Variants in VHL observed in about 807,000 individuals in gnomAD.
The protein encoded by VHL is von Hippel-Lindau disease tumor suppressor.
A neutral mutation model predicts 19.2 loss-of-function variants in VHL; 10 were observed. That is an observed-to-expected ratio of 0.52 (90% CI 0.32 to 0.89). The LOEUF (loss-of-function observed/expected upper bound fraction) is 0.89. VHL is among the 40% of genes least tolerant of loss of function. The pLI is 0.03. For synonymous variants in VHL, 167 were observed against 129.5 expected, an observed-to-expected ratio of 1.29 and a Z score of -1.97; for missense variants, 328 against 292.7, an observed-to-expected ratio of 1.12 and a Z score of -0.88.
Position 10,152,268 on chromosome 3 carries a change from C to T in VHL, c.*2303C>T, listed in dbSNP as rs960285468. ...CCTGTAATCCTAGCTACTCAGGAGG[C>T]TGAGGCAGGAGAATCACTTGAACCC... On this transcript the variant is annotated 3_prime_UTR_variant, in exon 3 of 3. Transcript: ENST00000256474. 1 of 152,564 alleles carries T rather than the reference C, an allele frequency of 6.6e-6. No individual in the cohort carries two copies. The highest frequency in any genetic ancestry group is 1.5e-5 in the Non-Finnish European group (1 of 68,718). The allele number at this position is 152,564 out of a possible 1,614,324, so 9.5% of individuals were successfully genotyped here.
intron 2 of VHL, among the ~76,000 whole-genome samples, chr3:10,148,425 C>T (rs1244561286): frequency 6.7e-6 from 1 of 148,222 alleles, no homozygotes; most frequent in East Asian, 2.0e-4. Flanking sequence ...CGCCATTCTC[C>T]TGCCTCAGCC....
intron 1 of VHL, 150 bp downstream of exon 1, chr3:10,142,337 C>A: frequency 8.1e-6 from 4 of 494,612 alleles, no homozygotes; most frequent in East Asian, 3.9e-5. Context: ...AGCGTCAGAG[C>A]ATTCTTTTTT....
At position 10,142,242 on chromosome 3, in the gene VHL, C is replaced by G; in HGVS notation, c.340+55C>G. ...GCAGGGACGATAGCACGGTCTGAAG[C>G]CCCTCTACCGCCCCGGGGTCCATTT... On this transcript the variant is annotated intron_variant, in intron 1 of 2. Transcript: ENST00000256474. The G allele has an allele frequency of 4.5e-6, 7 of 1,552,978 alleles. No individual in the cohort carries two copies. The South Asian group carries it at 8.1e-5, about 18-fold the overall frequency.
In VHL at chr3:10,142,201, G is replaced by C. The variant is rs1057523480; in HGVS notation, c.340+14G>C. 6.3e-7 allele frequency: 1 copy of C among 1,594,936 alleles called. No homozygotes were observed. The highest frequency in any genetic ancestry group is 8.5e-7 in the Non-Finnish European group (1 of 1,178,344). On this transcript the variant is annotated intron_variant, in intron 1 of 2. Transcript: ENST00000256474. ...ACAGCTACCGAGGTACGGGCCCGGC[G>C]CTTAGGCCCGACCCAGCAGGGACGA...
rs970321133 is a variant in VHL at position 10,144,394 on chromosome 3, C to T, written c.341-2120C>T. ...GGGAAGCTGAGGCAGGAAGATCACC[C>T]GAACCCAGGAGTTGGAGGCTACAGT... On this transcript the variant is annotated intron_variant, in intron 1 of 2. Transcript: ENST00000256474. Among the ~76,000 whole-genome samples, 6 of 151,996 alleles carry T rather than the reference C, an allele frequency of 3.9e-5. No individual in the cohort carries two copies. The South Asian group carries it at 8.3e-4, about 21-fold the overall frequency.
Position 10,146,539 on chromosome 3 carries a change from A to G in VHL, c.366A>G (p.Ala122=), listed in dbSNP as rs1474241640. ...YRGHLWLFRD[A]GTHDGLLVNQ... is the part of the protein sequence containing the mutation. ...GTCACCTTTGGCTCTTCAGAGATGCAGGGACACACGATGGGCTTCTGGTTA... is the reference window on the plus strand; with the variant it reads ...GTCACCTTTGGCTCTTCAGAGATGCGGGGACACACGATGGGCTTCTGGTTA... Residue 122 remains alanine (A), a synonymous_variant, in exon 2 of 3, where the codon GCA becomes GCG. Transcript: ENST00000256474. 5.0e-6 allele frequency: 8 copies of G among 1,613,928 alleles called. No individual in the cohort carries two copies. The highest frequency in any genetic ancestry group is 5.9e-6 in the Non-Finnish European group (7 of 1,179,874).
At chr3:10,146,749 C>A in intron 2 of VHL, 113 bp downstream of exon 2, 1 of 1,298,446 alleles carries the variant, frequency 7.7e-7, no homozygotes, top group Non-Finnish European at 1.1e-6. Context: ...GCACGTTATC[C>A]AATCTTTTTG....
intron 1 of VHL, among the ~76,000 whole-genome samples, chr3:10,144,428 A>G (rs1387325585): frequency 6.6e-6 from 1 of 150,988 alleles, no homozygotes; most frequent in African/African-American, 2.4e-5. Context: ...GTGAACTATG[A>G]TGGTGCCTCT....
chr3:10,153,491 T>C lies in VHL; in HGVS notation c.*3526T>C, dbSNP rs1040611536. ...TTTGAGTACTGTGTTTTTGGTGTTG[T>C]CCAAGGAAAATTAAAAACCTGTAGC... On this transcript the variant is annotated 3_prime_UTR_variant, in exon 3 of 3. Transcript: ENST00000256474. Among the ~76,000 whole-genome samples, 7 of 152,106 alleles carry C rather than the reference T, an allele frequency of 4.6e-5. No individual in the cohort carries two copies. Among genetic ancestry groups the C allele is most frequent in the African/African-American group, 1.4e-4 (6 of 41,432 alleles).
chr3:10,143,098 G>A (rs1696166892), intron 1 of VHL: 1 of 151,658 alleles, frequency 6.6e-6, no homozygotes, highest in Admixed American at 6.6e-5. Flanking sequence ...TTTACCCCTA[G>A]GAATATGGGG....
intron 1 of VHL, chr3:10,142,974 C>G (rs2125126091): frequency 6.6e-6 from 1 of 152,440 alleles, no homozygotes; most frequent in African/African-American, 2.4e-5. Flanking sequence ...AGGAGCACTT[C>G]CCGGAGAAGG....
At chr3:10,142,217 G>GC in intron 1 of VHL, 30 bp downstream of exon 1, 1 of 1,588,934 alleles carries the variant, frequency 6.3e-7, no homozygotes, top group Non-Finnish European at 8.5e-7. Context: ...GCCCGACCCA[G>GC]CAGGGACGAT....
In VHL at chr3:10,149,780, C is replaced by A; in HGVS notation, c.464-7C>A. On this transcript the variant is annotated splice_region_variant and splice_polypyrimidine_tract_variant and intron_variant, in intron 2 of 2. Transcript: ENST00000256474. ...TGCCACTGAGGATTTGGTTTTTGCC[C>A]TTCCAGTGTATACTCTGAAAGAGCG... The A allele has an allele frequency of 1.2e-6, 2 of 1,613,882 alleles. No homozygotes were observed. The highest frequency in any genetic ancestry group is 1.7e-6 in the Non-Finnish European group (2 of 1,179,976).
At position 10,141,878 on chromosome 3, in the gene VHL, G is replaced by C. The variant is rs1236604706; in HGVS notation, c.31G>C (p.Ala11Pro). MPRRAENWDE[A>P]EVGAEEAGVE... ...CCGGAGGGCGGAGAACTGGGACGAG[G>C]CCGAGGTAGGCGCGGAGGAGGCAGG... The change falls in exon 1 of 3, where the codon GCC (alanine) becomes CCC (proline). Residue 11 changes from alanine to proline, a missense_variant. Transcript: ENST00000256474. 4 of 1,533,894 alleles carry C rather than the reference G, an allele frequency of 2.6e-6. No individual in the cohort carries two copies. The East Asian group carries it at 9.9e-5, about 38-fold the overall frequency.
rs886057753 is a variant in VHL at position 10,153,214 on chromosome 3, C to T, written c.*3249C>T. ...AATGGCATGAACCTGGAAGGCGGAGCTTGCAGTGAGCTGAGATGGTGCCAC... is the reference window on the plus strand; with the variant it reads ...AATGGCATGAACCTGGAAGGCGGAGTTTGCAGTGAGCTGAGATGGTGCCAC... On this transcript the variant is annotated 3_prime_UTR_variant, in exon 3 of 3. Transcript: ENST00000256474. Among the ~76,000 whole-genome samples the T allele has an allele frequency of 6.6e-6, 1 of 152,006 alleles. No homozygotes were observed. The highest frequency in any genetic ancestry group is 1.9e-4 in the East Asian group (1 of 5,162).
intron 2 of VHL, among the ~76,000 whole-genome samples, chr3:10,147,085 C>T (rs1696278888): frequency 6.6e-6 from 1 of 152,082 alleles, no homozygotes; most frequent in African/African-American, 2.4e-5. Context: ...AATCTCGGCT[C>T]ACTGCAACCT....
intron 2 of VHL, among the ~76,000 whole-genome samples, chr3:10,147,360 T>TG (rs201643998): frequency 0.02 from 586 of 29,862 alleles, 17 homozygotes; most frequent in South Asian, 0.13. Flanking sequence ...ATCAGAGGTG[T>TG]TTTTTTTTTT....
At chr3:10,147,040 C>A (rs751141138) in intron 2 of VHL, among the ~76,000 whole-genome samples, 1 of 152,168 alleles carries the variant, frequency 6.6e-6, no homozygotes, top group Admixed American at 6.6e-5. Context: ...GAGACAGAAT[C>A]TCGCTGTGTT....
In VHL at chr3:10,150,142, G is replaced by C; in HGVS notation, c.*177G>C. On this transcript the variant is annotated 3_prime_UTR_variant, in exon 3 of 3. Transcript: ENST00000256474. ...CTTCACTAGGCATTGTGATGTTTAGGGGCAAACATCACAAAATGTAATTTA... is the reference window on the plus strand; with the variant it reads ...CTTCACTAGGCATTGTGATGTTTAGCGGCAAACATCACAAAATGTAATTTA... The C allele has an allele frequency of 2.0e-6, 3 of 1,477,762 alleles. No homozygotes were observed. The highest frequency in any genetic ancestry group is 2.7e-6 in the Non-Finnish European group (3 of 1,116,070). The allele number at this position is 1,477,762 out of a possible 1,614,324, so 91.5% of individuals were successfully genotyped here.
Sources: gnomAD v4.1 joint callset for allele counts (sites outside exome capture counted in the v4.1 genomes callset) on GRCh38, gnomAD v4.1.1 for gene constraint, MANE v1.5 for transcripts, NCBI Gene and HGNC (gene_info 2026-07-23, HGNC 2026-07-21) for gene names.